The following REPS2 variants were observed in gnomAD, a reference collection of about 807,000 sequenced individuals.
The protein encoded by REPS2 is RALBP1 associated Eps domain containing 2, also known as ralBP1-associated Eps domain-containing protein 2.
In REPS2, 23 loss-of-function variants were observed where a neutral mutation model predicts 53.6. That is an observed-to-expected ratio of 0.43 (90% CI 0.31 to 0.61). The LOEUF (loss-of-function observed/expected upper bound fraction) is 0.61. Ranked by LOEUF, REPS2 falls within the 20% of genes least tolerant of loss-of-function variation. REPS2 has a pLI of 0.11. For missense variants in REPS2, 446 were observed against 534.9 expected (o/e 0.83, Z 1.64); for synonymous variants, 238 against 218.6 (o/e 1.09, Z -0.78).
At chrX:17,029,085 A>G (rs1157624102) in intron 4 of REPS2, among the ~76,000 whole-genome samples, 1 of 111,987 alleles carries the variant, frequency 8.9e-6, no homozygotes, top group East Asian at 2.8e-4. Context: ...TTTATTTTTC[A>G]AAAATAATGT....
chrX:16,954,688 A>G (rs1329566684), intron 1 of REPS2, among the ~76,000 whole-genome samples: 2 of 111,486 alleles, frequency 1.8e-5, no homozygotes, highest in Non-Finnish European at 3.8e-5. Context: ...CCAGGAATAC[A>G]AGATGGATTT....
intron 1 of REPS2, among the ~76,000 whole-genome samples, chrX:16,950,256 T>C (rs1363337846): frequency 1.8e-5 from 2 of 111,890 alleles, no homozygotes; most frequent in African/African-American, 6.5e-5. Flanking sequence ...ATTGTCTGCA[T>C]GTACTACAAT....
chrX:17,156,333 G>A (rs1443654181), downstream of REPS2, among the ~76,000 whole-genome samples: 2 of 110,421 alleles, frequency 1.8e-5, no homozygotes, highest in Non-Finnish European at 3.8e-5. Context: ...AAAATTTCAA[G>A]ATTCACCTGT....
chrX:16,968,665 T>A, intron 1 of REPS2, among the ~76,000 whole-genome samples: 1 of 91,162 alleles, frequency 1.1e-5, no homozygotes, highest in South Asian at 6.0e-4. Flanking sequence ...CCCACCTCCC[T>A]CCCAGACGGG....
chrX:17,083,286 G>A (rs1218429990), intron 13 of REPS2, among the ~76,000 whole-genome samples: 3 of 109,329 alleles, frequency 2.7e-5, no homozygotes, highest in East Asian at 5.7e-4. Context: ...GGGTTTCACC[G>A]TGTTAGCCAG....
intron 17 of REPS2, among the ~76,000 whole-genome samples, chrX:17,144,650 C>T (rs1269788274): frequency 8.9e-6 from 1 of 112,049 alleles, no homozygotes; most frequent in African/African-American, 3.2e-5. Context: ...TTTATAGATC[C>T]AGAACCTCTT....
intron 1 of REPS2, among the ~76,000 whole-genome samples, chrX:16,962,789 AT>A (rs2060682136): frequency 1.8e-5 from 2 of 112,400 alleles, no homozygotes; most frequent in African/African-American, 6.5e-5. Flanking sequence ...AAGTTATGCC[AT>A]AAAAATAGCT....
chrX:17,148,932 A>C lies in REPS2; in HGVS notation c.*1451A>C, dbSNP rs762793907. 2.7e-6 allele frequency: 1 copy of C among 374,999 alleles called. No homozygotes were observed. The highest frequency in any genetic ancestry group is 5.2e-6 in the Non-Finnish European group (1 of 192,485). The allele number at this position is 374,999 out of a possible 1,213,427, so 30.9% of individuals were successfully genotyped here. A position where few individuals can be genotyped will look rare whatever the true frequency, so the allele number is the denominator to read the frequency against. Reference sequence around the variant, plus strand: ...TATGTGGGATTCAGCCTTTGATTTCAATAGAGCTGAGAGCTTTTAGAACAA... The same window carrying C: ...TATGTGGGATTCAGCCTTTGATTTCCATAGAGCTGAGAGCTTTTAGAACAA... On this transcript the variant is annotated 3_prime_UTR_variant, in exon 18 of 18. Coordinates refer to ENST00000357277, the MANE Select transcript of REPS2 (RefSeq NM_004726.3).
chrX:17,094,985 C>T (rs745845166), intron 13 of REPS2, among the ~76,000 whole-genome samples: 44 of 111,387 alleles, frequency 4.0e-4, no homozygotes, highest in Non-Finnish European at 6.6e-4. Context: ...TATATTTTAA[C>T]GTTTTCTCCT....
At chrX:17,061,113 GC>G (rs2062152942) in intron 8 of REPS2, among the ~76,000 whole-genome samples, 1 of 111,918 alleles carries the variant, frequency 8.9e-6, no homozygotes. Flanking sequence ...ACCAGTCAGA[GC>G]CTTGATTGAT....
At chrX:16,957,946 C>T (rs185436234) in intron 1 of REPS2, among the ~76,000 whole-genome samples, 2 of 111,383 alleles carry the variant, frequency 1.8e-5, no homozygotes, top group African/African-American at 6.5e-5. Flanking sequence ...GATGTCTCCT[C>T]GGGGCAAAAT....
chrX:17,056,209 G>T (rs1202171313), intron 8 of REPS2, among the ~76,000 whole-genome samples: 2 of 111,389 alleles, frequency 1.8e-5, no homozygotes, highest in Non-Finnish European at 3.8e-5. Flanking sequence ...GGATGGATTT[G>T]AACCAAAGTC....
At position 17,103,796 on chromosome X, in the gene REPS2, AT is replaced by A. The variant is rs1468048519; in HGVS notation, c.1578+20del. ...CCATCACAGGTAGGAGACATATTTG[AT>A]TTATGTAAACTGTTCGGTGGTAGGG... On this transcript the variant is annotated intron_variant, in intron 14 of 17. Transcript: ENST00000357277. 8.4e-7 allele frequency: 1 copy of A among 1,193,814 alleles called. No individual in the cohort carries two copies. Among genetic ancestry groups the A allele is most frequent in the Non-Finnish European group, 1.1e-6 (1 of 881,223 alleles).
At chrX:17,144,982 G>A (rs1408082726) in intron 17 of REPS2, among the ~76,000 whole-genome samples, 1 of 111,376 alleles carries the variant, frequency 9.0e-6, no homozygotes, top group Admixed American at 9.5e-5. Context: ...CTCACCCTAT[G>A]GTTATTTCCC....
intron 8 of REPS2, among the ~76,000 whole-genome samples, chrX:17,060,499 G>T (rs1420988144): frequency 9.0e-6 from 1 of 110,606 alleles, no homozygotes; most frequent in Non-Finnish European, 1.9e-5. Flanking sequence ...GAACTTGTGG[G>T]CAGTTGATAC....
rs113991701 is a variant in REPS2, at chrX:17,021,491, A to C, written c.398-632A>C. ...GAGATTGGATGTGAAAATTCCTTAA[A>C]GAATTACATAGGATGAGAAACTGTT... On this transcript the variant is annotated intron_variant, in intron 2 of 17. Coordinates refer to ENST00000357277, the MANE Select transcript of REPS2 (RefSeq NM_004726.3). Among the ~76,000 whole-genome samples the C allele has an allele frequency of 4.6e-3, 521 of 112,476 alleles. 2 individuals carry two copies. Among genetic ancestry groups the C allele is most frequent in the African/African-American group, 0.016 (499 of 30,960 alleles).
At chrX:17,048,534 A>G (rs2061938102) in intron 6 of REPS2, among the ~76,000 whole-genome samples, 1 of 112,689 alleles carries the variant, frequency 8.9e-6, no homozygotes, top group Non-Finnish European at 1.9e-5. Context: ...GCAGAATTTC[A>G]GATATAGACA....
chrX:17,055,835 TG>T (rs1335195144), intron 8 of REPS2, among the ~76,000 whole-genome samples: 1 of 52,789 alleles, frequency 1.9e-5, no homozygotes, highest in Non-Finnish European at 3.4e-5. Context: ...CTGGGGACTG[TG>T]GTGGGGTCGG....
At chrX:17,165,601 A>G in the REPS2 span, among the ~76,000 whole-genome samples, 2 of 111,682 alleles carry the variant, frequency 1.8e-5, no homozygotes, top group East Asian at 5.6e-4. Flanking sequence ...GGAGGAGCAG[A>G]GTGTGCTTTT....
Sources: allele counts gnomAD v4.1 joint callset (sites outside exome capture counted in the v4.1 genomes callset), GRCh38; gene constraint gnomAD v4.1.1; transcripts MANE v1.5; gene names NCBI Gene and HGNC (gene_info 2026-07-23, HGNC 2026-07-21).